Variants in PTPN21 observed in about 807,000 individuals in gnomAD.
The protein encoded by PTPN21 is protein tyrosine phosphatase non-receptor type 21, also known as tyrosine-protein phosphatase non-receptor type 21.
In PTPN21, 77 loss-of-function variants were observed where a neutral mutation model predicts 131.8. The ratio of observed to expected loss-of-function variants is 0.58; its 90% CI spans 0.49 to 0.71. The LOEUF (loss-of-function observed/expected upper bound fraction) is 0.71. Among genes scored for constraint, PTPN21 ranks in the 30% least tolerant of loss-of-function variants. The probability of loss-of-function intolerance (pLI) is 0.00; values close to 1 mark genes in which losing one functional copy is unlikely to be tolerated. For missense variants in PTPN21, 1,552 were observed against 1,527.1 expected, an observed-to-expected ratio of 1.02 and a Z score of -0.27; for synonymous variants, 715 against 621.3, an observed-to-expected ratio of 1.15 and a Z score of -2.24.
intron 14 of PTPN21, 60 bp downstream of exon 14, chr14:88,473,599 GGCATTT>G: frequency 6.6e-7 from 1 of 1,519,076 alleles, no homozygotes; most frequent in Non-Finnish European, 8.8e-7. Context: ...ATCTCATGAA[GGCATTT>G]GCGTAGTATT....
chr14:88,503,187 C>T (rs11845222), intron 6 of PTPN21, among the ~76,000 whole-genome samples: 10,772 of 152,034 alleles, frequency 0.071, 565 homozygotes, highest in African/African-American at 0.15. Context: ...CGGTGCATGC[C>T]ACCACACCTG....
chr14:88,521,691 G>A (rs1463394513), intron 2 of PTPN21, among the ~76,000 whole-genome samples: 3 of 151,530 alleles, frequency 2.0e-5, no homozygotes, highest in African/African-American at 7.3e-5. Flanking sequence ...GATTACAGGC[G>A]TGAGCCACCA....
rs182104909 is a variant in PTPN21 at position 88,533,039 on chromosome 14, G to C, written c.181-15778C>G. 1.8e-3 allele frequency among the ~76,000 whole-genome samples: 267 copies of C among 152,256 alleles called. 1 individual carries two copies. Among genetic ancestry groups the C allele is most frequent in the Middle Eastern group, 3.4e-3 (1 of 294 alleles). On this transcript the variant is annotated intron_variant, in intron 2 of 18. Coordinates refer to ENST00000556564, the MANE Select transcript of PTPN21 (RefSeq NM_007039.4). ...TTGTTTATCAGGCAAAGTTAGTTAT[G>C]AAGCGCTTCATTTCCCAAAGAAATA...
intron 2 of PTPN21, among the ~76,000 whole-genome samples, chr14:88,549,867 A>G (rs1280313275): frequency 6.6e-6 from 1 of 150,588 alleles, no homozygotes; most frequent in African/African-American, 2.5e-5. Flanking sequence ...CATTCAAGCG[A>G]TTCTCCTGTC....
rs1455600254 is a variant in PTPN21, at chr14:88,480,036, C to G, written c.1395G>C (p.Ala465=). 2.5e-6 allele frequency: 4 copies of G among 1,613,904 alleles called. No homozygotes were observed. The South Asian group carries it at 4.4e-5, about 18-fold the overall frequency. Residue 465 remains alanine, a synonymous_variant, in exon 13 of 19, where the codon GCG becomes GCC. Coordinates refer to ENST00000556564, the MANE Select transcript of PTPN21 (RefSeq NM_007039.4). ...TTCGCAGCGAGTGGCTCTGCCGTTCCGCATGCACCAGGCCCCTGTTGAGCT... is the reference window on the plus strand; with the variant it reads ...TTCGCAGCGAGTGGCTCTGCCGTTCGGCATGCACCAGGCCCCTGTTGAGCT... ...MKQLNRGLVH[A]ERQSHSLRNL...
intron 12 of PTPN21, among the ~76,000 whole-genome samples, chr14:88,483,498 A>G (rs2077683557): frequency 6.6e-6 from 1 of 152,100 alleles, no homozygotes; most frequent in Non-Finnish European, 1.5e-5. Context: ...TACCCACCTC[A>G]CTGCATGAAA....
intron 18 of PTPN21, 51 bp downstream of exon 18, chr14:88,468,865 C>T: frequency 6.2e-7 from 1 of 1,610,994 alleles, no homozygotes. Context: ...TCCCTCTCTT[C>T]CCCAGCCTCA....
At chr14:88,541,342 G>A (rs1006945801) in intron 2 of PTPN21, among the ~76,000 whole-genome samples, 5 of 152,170 alleles carry the variant, frequency 3.3e-5, no homozygotes, top group Non-Finnish European at 7.4e-5. Context: ...ATTGCTCAGA[G>A]AACTGAATAG....
chr14:88,549,109 T>C (rs937818395), intron 2 of PTPN21, among the ~76,000 whole-genome samples: 8 of 152,196 alleles, frequency 5.3e-5, no homozygotes, highest in Non-Finnish European at 1.2e-4. Context: ...CCTGTAAGAA[T>C]ATAGTCAATG....
intron 4 of PTPN21, among the ~76,000 whole-genome samples, 195 bp from the exon 5 acceptor site, chr14:88,505,566 G>GA (rs2078075520): frequency 6.6e-6 from 1 of 152,000 alleles, no homozygotes; most frequent in Non-Finnish European, 1.5e-5. Flanking sequence ...TCTTGGCTTG[G>GA]AAAAATGCCT....
chr14:88,526,146 A>G (rs902070661), intron 2 of PTPN21, among the ~76,000 whole-genome samples: 2 of 152,300 alleles, frequency 1.3e-5, no homozygotes, highest in African/African-American at 4.8e-5. Flanking sequence ...AGGGAAGAAT[A>G]GAGAATGACT....
At chr14:88,498,032 C>T (rs550161239) in intron 8 of PTPN21, among the ~76,000 whole-genome samples, 19 of 151,154 alleles carry the variant, frequency 1.3e-4, no homozygotes, top group African/African-American at 3.6e-4. Context: ...ACCCAGGAGG[C>T]GGAGGTTGCA....
chr14:88,507,855 C>A, intron 4 of PTPN21, 68 bp downstream of exon 4: 2 of 916,066 alleles, frequency 2.2e-6, no homozygotes. Context: ...CTTAAAAATC[C>A]CTTGCTATTT....
chr14:88,518,299 CACATAT>C lies in PTPN21; in HGVS notation c.181-1044_181-1039del, dbSNP rs1242905127. ...ACACACACACATACGCACACACACACACATATATGTGTATATATACGTATATATACA... is the reference window on the plus strand; with the variant it reads ...ACACACACACATACGCACACACACACATGTGTATATATACGTATATATACA... On this transcript the variant is annotated intron_variant, in intron 2 of 18. Transcript: ENST00000556564. 6.0e-5 allele frequency among the ~76,000 whole-genome samples: 6 copies of C among 99,798 alleles called. No homozygotes were observed. The East Asian group carries it at 1.8e-3, about 30-fold the overall frequency. The allele number at this position is 99,798 out of a possible 152,430, so 65.5% of individuals were successfully genotyped here. A position where few individuals can be genotyped will look rare whatever the true frequency, so the allele number is the denominator to read the frequency against.
intron 13 of PTPN21, among the ~76,000 whole-genome samples, chr14:88,475,037 A>G (rs890557794): frequency 2.0e-5 from 3 of 152,100 alleles, no homozygotes; most frequent in African/African-American, 7.2e-5. Context: ...GATTACAGTG[A>G]GCTGAGATCG....
chr14:88,538,631 T>G (rs2078662449), intron 2 of PTPN21, among the ~76,000 whole-genome samples: 1 of 152,204 alleles, frequency 6.6e-6, no homozygotes, highest in South Asian at 2.1e-4. Flanking sequence ...CAAAAACTAC[T>G]GTCACATTTA....
At position 88,473,680 on chromosome 14, in the gene PTPN21, T is replaced by C; in HGVS notation, c.2634A>G (p.Ala878=). ...CCATACATACCCTTTCATCATTCGT[T>C]GCTCTGGTAGCCACTTCCTTTCCTT... ...PDEGKEVATR[A]TNDERCKILE... is the part of the protein sequence containing the mutation. The change falls in exon 14 of 19, where the codon GCA becomes GCG. Residue 878 remains alanine (A), a synonymous_variant. Coordinates refer to ENST00000556564, the MANE Select transcript of PTPN21 (RefSeq NM_007039.4). The C allele has an allele frequency of 1.2e-6, 2 of 1,613,276 alleles. No homozygotes were observed. The highest frequency in any genetic ancestry group is 1.7e-6 in the Non-Finnish European group (2 of 1,179,886).
chr14:88,479,517 G>C lies in PTPN21; in HGVS notation c.1914C>G (p.Ile638Met). 3 of 1,600,778 alleles carry C rather than the reference G, an allele frequency of 1.9e-6. No homozygotes were observed. The highest frequency in any genetic ancestry group is 2.5e-6 in the Non-Finnish European group (3 of 1,179,290). ...RHAQLHKRNS[I>M]EVAGLSHGLE... is the part of the protein sequence containing the mutation. ...GGCCGTGGCTGAGCCCGGCCACCTC[G>C]ATGCTGTTCCGTTTGTGCAGCTGCG... The change falls in exon 13 of 19, where the codon ATC (isoleucine) becomes ATG (methionine). Residue 638 changes from isoleucine (I) to methionine (M), a missense_variant. By Grantham distance (10) the Ile-to-Met change is conservative (BLOSUM62 1). This residue lies in a region of PTPN21 where 1,016 missense variants were observed against 883.5 expected (regional missense o/e 1.15). Coordinates refer to ENST00000556564, the MANE Select transcript of PTPN21 (RefSeq NM_007039.4).
chr14:88,495,508 A>C (rs1225136641), intron 10 of PTPN21, among the ~76,000 whole-genome samples: 1 of 152,072 alleles, frequency 6.6e-6, no homozygotes, highest in Non-Finnish European at 1.5e-5. Context: ...TAAAAATACA[A>C]AATTAGTGGG....
Sources: gnomAD v4.1 joint callset for allele counts (sites outside exome capture counted in the v4.1 genomes callset) on GRCh38, gnomAD v4.1.1 for gene constraint, gnomAD v4.1.1 regional missense constraint, MANE v1.5 for transcripts, NCBI Gene and HGNC (gene_info 2026-07-23, HGNC 2026-07-21) for gene names.